The following D2HGDH variants were observed in gnomAD, a reference collection of about 807,000 sequenced individuals.
D2HGDH encodes the protein D-2-hydroxyglutarate dehydrogenase, mitochondrial.
D2HGDH carries 31 observed loss-of-function variants against 46.9 expected under a neutral mutation model. That is an observed-to-expected ratio of 0.66 (90% CI 0.50 to 0.89). D2HGDH has a LOEUF of 0.89. Ranked by LOEUF, D2HGDH falls within the 40% of genes least tolerant of loss-of-function variation. The pLI is 0.00. For missense variants in D2HGDH, 698 were observed against 720.8 expected, an observed-to-expected ratio of 0.97 and a Z score of 0.36; for synonymous variants, 364 against 332.6, an observed-to-expected ratio of 1.09 and a Z score of -1.03.
At position 241,743,763 on chromosome 2, in the gene D2HGDH, T is replaced by C. The variant is rs368074678; in HGVS notation, c.632T>C (p.Leu211Pro). 18 of 1,611,200 alleles carry C rather than the reference T, an allele frequency of 1.1e-5. No homozygotes were observed. Among genetic ancestry groups the C allele is most frequent in the South Asian group, 7.7e-5 (7 of 90,476 alleles). Residue 211 changes from leucine (L) to proline (P), a missense_variant, in exon 5 of 10, where the codon CTG (leucine) becomes CCG (proline). Leu to Pro is a moderately conservative substitution (Grantham distance 98). Transcript: ENST00000321264. The surrounding 1 kb of genome is among the most constrained non-coding windows in gnomAD (Gnocchi z 4.8). ...GGNVATNAGG[L>P]RFLRYGSLHG... ...AACGTGGCAACCAACGCTGGAGGCC[T>C]GCGGTTTCTTCGATATGGCTCACTG...
intron 2 of D2HGDH, among the ~76,000 whole-genome samples, chr2:241,737,231 A>G (rs186034859): frequency 2.3e-3 from 348 of 152,330 alleles, no homozygotes; most frequent in African/African-American, 8.0e-3. Context: ...CGGCCTCCCA[A>G]AGTGCTGGGA....
rs148064127 is a variant in D2HGDH, at chr2:241,741,176, G to A, written c.350+86G>A. On this transcript the variant is annotated intron_variant, in intron 3 of 9. Coordinates refer to ENST00000321264, the MANE Select transcript of D2HGDH (RefSeq NM_152783.5). ...GGAGCCTGTGGGCAGCTGGGGTGAC[G>A]CGGTGCGAAGCCAGCCGATGACATC... is the stretch of plus-strand genomic sequence containing the variant. 1.5e-4 allele frequency: 192 copies of A among 1,244,338 alleles called. No homozygotes were observed. In the African/African-American group the frequency reaches 2.3e-3, roughly 15 times the overall value. 77.1% of individuals were successfully genotyped at this position (1,244,338 alleles called of 1,614,324 possible). A position where few individuals can be genotyped will look rare whatever the true frequency, so the allele number is the denominator to read the frequency against.
At chr2:241,749,908 C>A in intron 6 of D2HGDH, 1 of 584,184 alleles carries the variant, frequency 1.7e-6, no homozygotes, top group Non-Finnish European at 3.1e-6. Flanking sequence ...TTCTCCTGAT[C>A]TGATGCTGGT....
At chr2:241,739,061 A>C (rs983905853) in intron 2 of D2HGDH, among the ~76,000 whole-genome samples, 1 of 152,218 alleles carries the variant, frequency 6.6e-6, no homozygotes, top group African/African-American at 2.4e-5. Context: ...TCGCGGTGTG[A>C]AAACAGGCTG....
At chr2:241,749,801 C>T (rs1329048837) in intron 6 of D2HGDH, 12 of 376,848 alleles carry the variant, frequency 3.2e-5, no homozygotes, top group Non-Finnish European at 5.2e-5. Context: ...TGACACCAGG[C>T]GTGCACCTGC....
At chr2:241,755,155 C>G (rs1192216430) in intron 8 of D2HGDH, 11 of 1,304,054 alleles carry the variant, frequency 8.4e-6, no homozygotes, top group African/African-American at 1.5e-5. Context: ...ACCGTCTGCT[C>G]CTCCTCAGAA....
chr2:241,756,101 G>T, intron 9 of D2HGDH, 87 bp downstream of exon 9: 2 of 1,483,344 alleles, frequency 1.3e-6, no homozygotes, highest in Non-Finnish European at 1.8e-6. Context: ...TCGAGGCAGG[G>T]CAGTTTGACC....
At chr2:241,764,297 T>C (rs562279003) in intron 9 of D2HGDH, among the ~76,000 whole-genome samples, 1 of 152,296 alleles carries the variant, frequency 6.6e-6, no homozygotes, top group South Asian at 2.1e-4. Context: ...CCCTTTCTAG[T>C]TCCCAGCTGG....
chr2:241,760,154 G>A (rs1698629586), intron 9 of D2HGDH, among the ~76,000 whole-genome samples: 1 of 99,238 alleles, frequency 1.0e-5, no homozygotes, highest in Non-Finnish European at 1.9e-5. Flanking sequence ...TACCCAATCA[G>A]TCGAAGGCCT....
At chr2:241,741,789 T>C (rs1206190914) in intron 3 of D2HGDH, among the ~76,000 whole-genome samples, 1 of 139,028 alleles carries the variant, frequency 7.2e-6, no homozygotes, top group Non-Finnish European at 1.6e-5. Context: ...CTCCAGGGTT[T>C]ATTTCATGTG....
chr2:241,738,058 T>G (rs1169047946), intron 2 of D2HGDH, among the ~76,000 whole-genome samples: 2 of 152,142 alleles, frequency 1.3e-5, no homozygotes, highest in African/African-American at 2.4e-5. Context: ...GCTCAGATAA[T>G]GGAAGCAGCT....
At position 241,735,361 on chromosome 2, in the gene D2HGDH, C is replaced by T. The variant is rs1473442178; in HGVS notation, c.137C>T (p.Pro46Leu). The change falls in exon 2 of 10, where the codon CCG becomes CTG. Residue 46 changes from proline (P) to leucine (L), a missense_variant. By Grantham distance (98) the Pro-to-Leu change is moderately conservative (BLOSUM62 -3). Transcript: ENST00000321264. ...TCCGCCCCGGGGACCCCCGAGGTGC[C>T]GCTGACCCGGGAGCGCTACCCCGTG... ...CCSAPGTPEV[P>L]LTRERYPVRR... The T allele has an allele frequency of 3.2e-6, 5 of 1,567,536 alleles. No homozygotes were observed. Among genetic ancestry groups the T allele is most frequent in the Middle Eastern group, 1.7e-4 (1 of 5,830 alleles).
rs112424377 is a variant in D2HGDH, at chr2:241,743,790, A to G, written c.659A>G (p.His220Arg). ...CGGTTTCTTCGATATGGCTCACTGC[A>G]TGGGACTGTCCTGGGCCTGGAAGTG... is the stretch of plus-strand genomic sequence containing the variant. ...GLRFLRYGSL[H>R]GTVLGLEVVL... Residue 220 changes from histidine (H) to arginine (R), a missense_variant, in exon 5 of 10, where the codon CAT becomes CGT. Transcript: ENST00000321264. The surrounding 1 kb of genome is among the most constrained non-coding windows in gnomAD (Gnocchi z 4.8). 3.5e-5 allele frequency: 56 copies of G among 1,606,604 alleles called. No homozygotes were observed. In the African/African-American group the frequency reaches 5.6e-4, roughly 16 times the overall value.
chr2:241,735,358 T>G lies in D2HGDH; in HGVS notation c.134T>G (p.Val45Gly). 1 of 1,564,152 alleles carries G rather than the reference T, an allele frequency of 6.4e-7. No individual in the cohort carries two copies. The highest frequency in any genetic ancestry group is 1.2e-5 in the South Asian group (1 of 86,024). Residue 45 changes from valine (V) to glycine (G), a missense_variant, in exon 2 of 10, where the codon GTG becomes GGG. Coordinates refer to ENST00000321264, the MANE Select transcript of D2HGDH (RefSeq NM_152783.5). ...GCCSAPGTPE[V>G]PLTRERYPVR... is the part of the protein sequence containing the mutation. The stretch of plus-strand genomic sequence containing the variant: ...TGCTCCGCCCCGGGGACCCCCGAGG[T>G]GCCGCTGACCCGGGAGCGCTACCCC...
intron 2 of D2HGDH, among the ~76,000 whole-genome samples, chr2:241,736,868 C>T (rs1337560773): frequency 1.3e-5 from 2 of 151,324 alleles, no homozygotes; most frequent in African/African-American, 2.4e-5. Context: ...ACCATGTTGA[C>T]CACGCTGGTC....
intron 2 of D2HGDH, among the ~76,000 whole-genome samples, chr2:241,740,096 G>A (rs947660823): frequency 8.5e-5 from 13 of 152,232 alleles, no homozygotes; most frequent in Non-Finnish European, 1.8e-4. Flanking sequence ...AGTGAGCTGT[G>A]ATTGTGTCAC....
chr2:241,739,164 C>T (rs1313010235), intron 2 of D2HGDH, among the ~76,000 whole-genome samples: 1 of 152,202 alleles, frequency 6.6e-6, no homozygotes, highest in Non-Finnish European at 1.5e-5. Flanking sequence ...GGGAGGGAGC[C>T]CTCCTTTTCA....
At chr2:241,749,036 C>T in intron 6 of D2HGDH, 1 of 1,002,660 alleles carries the variant, frequency 1.0e-6, no homozygotes, top group Non-Finnish European at 1.2e-6. Flanking sequence ...GTCCCTCGTG[C>T]TCGTGGGCTC....
intron 9 of D2HGDH, among the ~76,000 whole-genome samples, chr2:241,763,116 G>A (rs1043802890): frequency 5.3e-5 from 8 of 152,232 alleles, no homozygotes; most frequent in Admixed American, 4.6e-4. Flanking sequence ...CCGAGGCAGC[G>A]TGAGTTCCGG....
Sources: allele counts gnomAD v4.1 joint callset (sites outside exome capture counted in the v4.1 genomes callset), GRCh38; gene constraint gnomAD v4.1.1; non-coding constraint Gnocchi (gnomAD v3.1); transcripts MANE v1.5; gene names NCBI Gene and HGNC (gene_info 2026-07-23, HGNC 2026-07-21).